Variants in CCP110 observed in about 807,000 individuals in gnomAD.
CCP110 encodes centriolar coiled-coil protein of 110 kDa.
In CCP110, 43 loss-of-function variants were observed where a neutral mutation model predicts 105.5. The ratio of observed to expected loss-of-function variants is 0.41; its 90% confidence interval spans 0.32 to 0.53. The LOEUF (loss-of-function observed/expected upper bound fraction) is 0.53. Ranked by LOEUF, CCP110 falls within the 20% of genes least tolerant of loss-of-function variation. The probability of loss-of-function intolerance (pLI) is 0.32; values close to 1 mark genes in which losing one functional copy is unlikely to be tolerated. For missense variants in CCP110, 1,016 were observed against 1,189.1 expected, an observed-to-expected ratio of 0.85 and a Z score of 2.14; for synonymous variants, 353 against 392.1, an observed-to-expected ratio of 0.90 and a Z score of 1.18.
At chr16:19,535,719 CTT>C (rs1447717504) in intron 3 of CCP110, among the ~76,000 whole-genome samples, 1 of 152,046 alleles carries the variant, frequency 6.6e-6, no homozygotes, top group Non-Finnish European at 1.5e-5. Context: ...TTTTATAACT[CTT>C]TTAATAACTT....
exon 5 of CCP110, chr16:19,540,763 A>G (rs772629886): frequency 6.2e-7 from 1 of 1,613,850 alleles, no homozygotes; most frequent in Non-Finnish European, 8.5e-7. Context: ...CTGAGCAGGA[A>G]AGGGAACAAG....
At chr16:19,527,899 G>A (rs1229440671) in exon 2 of CCP110, 1 of 1,613,438 alleles carries the variant, frequency 6.2e-7, no homozygotes, top group South Asian at 1.1e-5. Context: ...AGTATGAGAA[G>A]TTCTGTGAAA....
rs759616349 is a variant in CCP110 at position 19,537,086 on chromosome 16, G to C, written c.1417G>C (p.Val473Leu). The C allele has an allele frequency of 5.6e-6, 9 of 1,614,074 alleles. No individual in the cohort carries two copies. In the Admixed American group the frequency reaches 6.7e-5, roughly 12 times the overall value. ...TTCAGGAAATCATTTAGAAAATAAA[G>C]TTACTCATGGACTTGTTACTGTGGA... is the stretch of plus-strand genomic sequence containing the variant. The change falls in exon 4 of 15, where the codon GTT becomes CTT. Residue 473 changes from valine to leucine, a missense_variant. Physicochemically the swap from Val to Leu is conservative, Grantham distance 32 (BLOSUM62 1). Transcript: ENST00000381396.
chr16:19,536,410 T>A, exon 4 of CCP110: 1 of 1,613,084 alleles, frequency 6.2e-7, no homozygotes, highest in Non-Finnish European at 8.5e-7. Context: ...CTAGACGCAG[T>A]CTGAGAGGTA....
intron 11 of CCP110, 69 bp from the exon 12 acceptor site, chr16:19,546,343 A>G (rs1970457282): frequency 1.1e-6 from 1 of 886,810 alleles, no homozygotes; most frequent in Non-Finnish European, 1.8e-6. Context: ...GTCATCCTGT[A>G]TTACATTTGT....
chr16:19,541,209 G>A (rs1032953891), intron 5 of CCP110, among the ~76,000 whole-genome samples: 12 of 151,432 alleles, frequency 7.9e-5, no homozygotes, highest in South Asian at 2.1e-4. Flanking sequence ...CTATGATTTC[G>A]CCTTTGTCTA....
At chr16:19,534,742 G>T (rs904290922) in intron 3 of CCP110, among the ~76,000 whole-genome samples, 1 of 151,650 alleles carries the variant, frequency 6.6e-6, no homozygotes, top group Admixed American at 6.6e-5. Context: ...ATGTCTTATT[G>T]TACTGTGTAT....
At chr16:19,551,219 A>C (rs1251775984) in exon 15 of CCP110, 1 of 1,612,848 alleles carries the variant, frequency 6.2e-7, no homozygotes, top group Non-Finnish European at 8.5e-7. Flanking sequence ...AAAAATCCAA[A>C]GAAAGCGGCC....
chr16:19,532,407 G>T lies in CCP110; in HGVS notation c.142-9G>T. 6.3e-7 allele frequency: 1 copy of T among 1,574,802 alleles called. No individual in the cohort carries two copies. The highest frequency in any genetic ancestry group is 8.6e-7 in the Non-Finnish European group (1 of 1,165,872). ...TGGGAAATAATTACATTTTTATGAT[G>T]TTTTGCAGCTTAACATTGAGAAAAG... On this transcript the variant is annotated splice_polypyrimidine_tract_variant and intron_variant, in intron 2 of 14. Coordinates refer to ENST00000381396, the Ensembl canonical transcript of CCP110.
At chr16:19,551,450 A>G (rs1289698970) in exon 15 of CCP110, 1 of 599,722 alleles carries the variant, frequency 1.7e-6, no homozygotes, top group Non-Finnish European at 3.0e-6. Context: ...CGTTTGGGTG[A>G]AGACAAATTA....
intron 8 of CCP110, among the ~76,000 whole-genome samples, 179 bp downstream of exon 8, chr16:19,543,173 C>CT (rs1470790744): frequency 6.6e-6 from 1 of 152,192 alleles, no homozygotes; most frequent in Non-Finnish European, 1.5e-5. Flanking sequence ...GAGGGACCAG[C>CT]TGGAGCCGCA....
At chr16:19,527,107 G>T (rs1469730307) in intron 1 of CCP110, 1 of 152,116 alleles carries the variant, frequency 6.6e-6, no homozygotes, top group Non-Finnish European at 1.5e-5. Flanking sequence ...AAATTACTGG[G>T]ATTGTTTTAA....
At chr16:19,546,185 T>A in intron 11 of CCP110, 1 of 514,460 alleles carries the variant, frequency 1.9e-6, no homozygotes, top group Admixed American at 3.7e-5. Context: ...TTTTCTGATG[T>A]CCTAAAGGTT....
At chr16:19,552,526 CA>C (rs11358961) in exon 15 of CCP110, 18,401 of 92,754 alleles carry the variant, frequency 0.2, 1,676 homozygotes, top group African/African-American at 0.35. Flanking sequence ...GACACTGTCT[CA>C]AAAAAAAAAA....
rs1969964413 is a variant in CCP110 at position 19,533,978 on chromosome 16, A to T, written c.270+1434A>T. ...AATGAGTCTTCAGAATCTGATGAAAAAGTCAAAGGAATATATAGAAAGAGA... is the reference window on the plus strand; with the variant it reads ...AATGAGTCTTCAGAATCTGATGAAATAGTCAAAGGAATATATAGAAAGAGA... On this transcript the variant is annotated intron_variant, in intron 3 of 14. Coordinates refer to ENST00000381396, the Ensembl canonical transcript of CCP110. Among the ~76,000 whole-genome samples, 4 of 152,182 alleles carry T rather than the reference A, an allele frequency of 2.6e-5. No homozygotes were observed. In the South Asian group the frequency reaches 8.3e-4, roughly 32 times the overall value.
intron 9 of CCP110, 70 bp from the exon 10 acceptor site, chr16:19,545,024 G>A: frequency 1.0e-6 from 1 of 993,426 alleles, no homozygotes; most frequent in Non-Finnish European, 1.6e-6. Context: ...AAGTGTACAT[G>A]GTATATAGTA....
At chr16:19,540,253 T>C (rs1970229985) in intron 4 of CCP110, among the ~76,000 whole-genome samples, 1 of 152,202 alleles carries the variant, frequency 6.6e-6, no homozygotes, top group Non-Finnish European at 1.5e-5. Context: ...AACACTTTCT[T>C]TGAAAATCAA....
intron 1 of CCP110, chr16:19,526,419 C>T (rs569336676): frequency 1.3e-5 from 2 of 152,058 alleles, no homozygotes; most frequent in East Asian, 1.9e-4. Context: ...GAGTTGAAAC[C>T]TAGACCTAAA....
chr16:19,552,226 A>G (rs12934510), exon 15 of CCP110: 23,338 of 152,140 alleles, frequency 0.15, 1,859 homozygotes, highest in Admixed American at 0.2. Context: ...CATCACTAAC[A>G]TATCCATTAA....
Sources: gnomAD v4.1 joint callset for allele counts (sites outside exome capture counted in the v4.1 genomes callset) on GRCh38, gnomAD v4.1.1 for gene constraint, MANE v1.5 for transcripts, NCBI Gene and HGNC (gene_info 2026-07-23, HGNC 2026-07-21) for gene names.